The following ARHGAP22 variants were observed in gnomAD, a reference collection of about 807,000 sequenced individuals.
The protein encoded by ARHGAP22 is Rho GTPase activating protein 22.
In ARHGAP22, 48 loss-of-function variants were observed where a neutral mutation model predicts 59.1. The observed-to-expected ratio is 0.81, with a 90% CI of 0.64 to 1.03. ARHGAP22 has a LOEUF of 1.03. Among genes scored for constraint, ARHGAP22 ranks in the 50% least tolerant of loss-of-function variants. The pLI is 0.00. For synonymous variants in ARHGAP22, 445 were observed against 416.4 expected, an observed-to-expected ratio of 1.07 and a Z score of -0.84; for missense variants, 1,015 against 958.7, an observed-to-expected ratio of 1.06 and a Z score of -0.78.
intron 2 of ARHGAP22, among the ~76,000 whole-genome samples, chr10:48,581,317 C>T (rs1251380744): frequency 6.6e-6 from 1 of 152,236 alleles, no homozygotes; most frequent in African/African-American, 2.4e-5. Context: ...CTGGAACACA[C>T]CTTCACCTTT....
chr10:48,579,052 T>G (rs2058946746), intron 2 of ARHGAP22, among the ~76,000 whole-genome samples: 1 of 152,216 alleles, frequency 6.6e-6, no homozygotes, highest in South Asian at 2.1e-4. Context: ...TGTACCTTCT[T>G]TTGCCATCTT....
chr10:48,515,042 A>T (rs1279203827), intron 3 of ARHGAP22, among the ~76,000 whole-genome samples: 1 of 152,226 alleles, frequency 6.6e-6, no homozygotes, highest in Non-Finnish European at 1.5e-5. Flanking sequence ...AAAAAGATAT[A>T]ACATGTATAG....
chr10:48,472,524 AAAAATAAAAT>A (rs57810660), intron 4 of ARHGAP22, among the ~76,000 whole-genome samples: 2 of 151,084 alleles, frequency 1.3e-5, no homozygotes, highest in East Asian at 1.9e-4. Flanking sequence ...ACTCTGTCTC[AAAAATAAAAT>A]AAAATAAAAT....
chr10:48,509,813 C>G (rs888705619), intron 3 of ARHGAP22, among the ~76,000 whole-genome samples: 1 of 152,106 alleles, frequency 6.6e-6, no homozygotes, highest in Non-Finnish European at 1.5e-5. Context: ...AGACGCCCGA[C>G]GAGTCATGGA....
chr10:48,621,819 T>C (rs1214381334), intron 1 of ARHGAP22, among the ~76,000 whole-genome samples: 1 of 152,250 alleles, frequency 6.6e-6, no homozygotes, highest in Non-Finnish European at 1.5e-5. Context: ...TCATGGACTT[T>C]GGTGCTCTAG....
intron 1 of ARHGAP22, among the ~76,000 whole-genome samples, chr10:48,630,534 T>C (rs1450896671): frequency 1.3e-5 from 2 of 152,270 alleles, no homozygotes; most frequent in African/African-American, 2.4e-5. Flanking sequence ...GTTAGATTTA[T>C]AGGTATTTCA....
At chr10:48,553,754 G>T (rs1216933570) in intron 3 of ARHGAP22, among the ~76,000 whole-genome samples, 1 of 152,174 alleles carries the variant, frequency 6.6e-6, no homozygotes, top group Non-Finnish European at 1.5e-5. Context: ...ACTGGCAAGA[G>T]TCAAATAAAT....
chr10:48,574,263 AG>A (rs1437178835), intron 2 of ARHGAP22, among the ~76,000 whole-genome samples: 1 of 151,508 alleles, frequency 6.6e-6, no homozygotes, highest in Non-Finnish European at 1.5e-5. Context: ...CAATTATTCA[AG>A]TAAGCACCCA....
At chr10:48,539,371 A>G (rs1438950075) in intron 3 of ARHGAP22, among the ~76,000 whole-genome samples, 2 of 141,386 alleles carry the variant, frequency 1.4e-5, no homozygotes, top group Non-Finnish European at 3.0e-5. Flanking sequence ...GGCTCACTGC[A>G]AGCTCCGCCT....
intron 2 of ARHGAP22, among the ~76,000 whole-genome samples, chr10:48,564,619 G>A (rs1277368611): frequency 6.6e-6 from 1 of 152,196 alleles, no homozygotes; most frequent in Non-Finnish European, 1.5e-5. Context: ...CCCTACTCAC[G>A]GGCTGCTGCC....
chr10:48,555,631 G>C (rs1430022628), intron 2 of ARHGAP22, 81 bp from the exon 3 acceptor site: 1 of 1,439,144 alleles, frequency 6.9e-7, no homozygotes, highest in African/African-American at 1.4e-5. Flanking sequence ...CTGGAGAGGA[G>C]AGGTTAGGAC....
chr10:48,517,901 T>C (rs1210394510), intron 3 of ARHGAP22, among the ~76,000 whole-genome samples: 1 of 152,112 alleles, frequency 6.6e-6, no homozygotes, highest in Non-Finnish European at 1.5e-5. Context: ...AGGTTCTGAG[T>C]GGCAGGGAGC....
intron 5 of ARHGAP22, among the ~76,000 whole-genome samples, chr10:48,456,242 G>A (rs939369761): frequency 6.6e-6 from 1 of 152,200 alleles, no homozygotes; most frequent in Non-Finnish European, 1.5e-5. Context: ...GCTATCACCT[G>A]ATCCCGGATG....
At chr10:48,453,727 G>C (rs1181639908) in intron 7 of ARHGAP22, among the ~76,000 whole-genome samples, 1 of 152,190 alleles carries the variant, frequency 6.6e-6, no homozygotes, top group Non-Finnish European at 1.5e-5. Context: ...AGTCAGCGCC[G>C]CCCCTGCATT....
intron 3 of ARHGAP22, among the ~76,000 whole-genome samples, chr10:48,545,929 C>T (rs562878125): frequency 2.0e-5 from 3 of 152,288 alleles, no homozygotes; most frequent in Admixed American, 2.0e-4. Flanking sequence ...ACTGGGCCAG[C>T]CCTCTCGTCT....
intron 1 of ARHGAP22, among the ~76,000 whole-genome samples, chr10:48,626,845 G>A (rs964520910): frequency 5.4e-4 from 82 of 152,308 alleles, no homozygotes; most frequent in African/African-American, 1.9e-3. Context: ...GCAAGGTTAA[G>A]GAGGTGACTG....
intron 1 of ARHGAP22, among the ~76,000 whole-genome samples, chr10:48,635,262 C>T (rs574854846): frequency 2.6e-5 from 4 of 152,258 alleles, no homozygotes; most frequent in Middle Eastern, 6.8e-3. Context: ...CCCTGGACCC[C>T]GACTCCCTGT....
At chr10:48,589,247 A>G (rs1331147144) in intron 1 of ARHGAP22, among the ~76,000 whole-genome samples, 1 of 151,900 alleles carries the variant, frequency 6.6e-6, no homozygotes, top group African/African-American at 2.4e-5. Context: ...ACTATTAATC[A>G]CCCTCTGCTT....
chr10:48,639,103 C>A (rs1157414160), intron 1 of ARHGAP22, among the ~76,000 whole-genome samples: 4 of 152,206 alleles, frequency 2.6e-5, no homozygotes, highest in Non-Finnish European at 4.4e-5. Flanking sequence ...CAATTCCCAT[C>A]CCACTTCTCT....
Sources: allele counts gnomAD v4.1 joint callset (sites outside exome capture counted in the v4.1 genomes callset), GRCh38; gene constraint gnomAD v4.1.1; transcripts MANE v1.5; gene names NCBI Gene and HGNC (gene_info 2026-07-23, HGNC 2026-07-21).